Variants in DIS3L2 observed in about 807,000 individuals in gnomAD.
DIS3L2 encodes DIS3-like exonuclease 2.
Under a neutral mutation model 97.5 loss-of-function variants are expected in DIS3L2, and 34 were observed. That is an observed-to-expected ratio of 0.35 (90% CI 0.27 to 0.46). The LOEUF is 0.46. Among genes scored for constraint, DIS3L2 ranks in the 20% least tolerant of loss-of-function variants. The pLI, the probability that DIS3L2 is intolerant of heterozygous loss-of-function variation, is 1.00. For synonymous variants in DIS3L2, 435 were observed against 445.2 expected (o/e 0.98, Z 0.29); for missense variants, 1,038 against 1,146.0 (o/e 0.91, Z 1.36).
intron 1 of DIS3L2, among the ~76,000 whole-genome samples, chr2:232,001,041 A>G (rs1383014262): frequency 1.3e-5 from 2 of 151,960 alleles, no homozygotes; most frequent in African/African-American, 2.4e-5. Flanking sequence ...TTTTTGATGT[A>G]CTGATTTCAT....
chr2:232,273,550 T>TG (rs1694060086), intron 13 of DIS3L2, among the ~76,000 whole-genome samples: 1 of 152,236 alleles, frequency 6.6e-6, no homozygotes, highest in Non-Finnish European at 1.5e-5. Context: ...GATTATTTGC[T>TG]GGGGCATCCA....
At chr2:232,197,759 G>C (rs1271648519) in intron 9 of DIS3L2, among the ~76,000 whole-genome samples, 1 of 152,100 alleles carries the variant, frequency 6.6e-6, no homozygotes, top group Non-Finnish European at 1.5e-5. Context: ...ATGAGGTCAT[G>C]AGATTGAGAC....
In DIS3L2 at chr2:232,334,279, G is replaced by A. The variant is rs540975352; in HGVS notation, c.2159-90G>A. 39 of 1,467,822 alleles carry A rather than the reference G, an allele frequency of 2.7e-5. No homozygotes were observed. In the East Asian group the frequency reaches 4.9e-4, roughly 18 times the overall value. 90.9% of individuals were successfully genotyped at this position (1,467,822 alleles called of 1,614,324 possible). On this transcript the variant is annotated intron_variant, in intron 17 of 20. Coordinates refer to ENST00000325385, the MANE Select transcript of DIS3L2 (RefSeq NM_152383.5). ...GTGCTTGGGGTCCTAATCTGTCGGCGGGGGTGCAGCGCCATGCAGCCCATC... is the reference window on the plus strand; with the variant it reads ...GTGCTTGGGGTCCTAATCTGTCGGCAGGGGTGCAGCGCCATGCAGCCCATC...
chr2:232,156,473 T>C (rs1690498084), intron 8 of DIS3L2, among the ~76,000 whole-genome samples: 1 of 151,974 alleles, frequency 6.6e-6, no homozygotes, highest in South Asian at 2.1e-4. Context: ...TTCTTGCTCC[T>C]TTTTTTCCTT....
At chr2:232,155,051 C>G (rs1037203322) in intron 8 of DIS3L2, among the ~76,000 whole-genome samples, 26 of 150,530 alleles carry the variant, frequency 1.7e-4, no homozygotes, top group African/African-American at 5.4e-4. Context: ...ATGCCTCGCC[C>G]TGCTTCGGCT....
intron 1 of DIS3L2, among the ~76,000 whole-genome samples, chr2:231,969,847 G>T (rs1334996415): frequency 6.6e-6 from 1 of 151,796 alleles, no homozygotes; most frequent in African/African-American, 2.4e-5. Flanking sequence ...TATCACTGGA[G>T]AAGTTTTCTT....
chr2:231,998,016 C>T (rs960149654), intron 1 of DIS3L2, among the ~76,000 whole-genome samples: 1 of 152,128 alleles, frequency 6.6e-6, no homozygotes, highest in African/African-American at 2.4e-5. Flanking sequence ...TAATTTGGAA[C>T]AGTTTTTCCT....
intron 14 of DIS3L2, 28 bp from the exon 15 acceptor site, chr2:232,329,785 T>TCCCGGGGGGGGGCCCCC: frequency 5.7e-5 from 55 of 967,090 alleles, no homozygotes; most frequent in Non-Finnish European, 5.8e-5. Flanking sequence ...ACCCCAGCGG[T>TCCCGGGGGGGGGCCCCC]CCCTCCCATC....
At chr2:232,148,158 T>G (rs541058862) in intron 8 of DIS3L2, among the ~76,000 whole-genome samples, 4 of 151,232 alleles carry the variant, frequency 2.6e-5, no homozygotes, top group African/African-American at 7.3e-5. Flanking sequence ...CAAGCGATTC[T>G]CCTGCCTCAA....
At chr2:232,123,477 T>G (rs1054236581) in intron 6 of DIS3L2, among the ~76,000 whole-genome samples, 1 of 152,204 alleles carries the variant, frequency 6.6e-6, no homozygotes, top group African/African-American at 2.4e-5. Flanking sequence ...ACCATCTCCT[T>G]GCTTGTGCTT....
In DIS3L2 at chr2:232,333,842, G is replaced by A. The variant is rs528954242; in HGVS notation, c.2013G>A (p.Met671Ile). 5 of 1,610,186 alleles carry A rather than the reference G, an allele frequency of 3.1e-6. No individual in the cohort carries two copies. Among genetic ancestry groups the A allele is most frequent in the Non-Finnish European group, 4.2e-6 (5 of 1,178,680 alleles). Residue 671 changes from methionine to isoleucine, a missense_variant and splice_region_variant, in exon 17 of 21, where the codon ATG becomes ATA. Transcript: ENST00000325385. ...LTNMCSRPMQMALYFCSGLLQ... is the reference protein window; with the variant it reads ...LTNMCSRPMQIALYFCSGLLQ... ...CTCTGACCCATCCCGTCCCGCAGAT[G>A]GCACTGTACTTCTGCTCGGGGCTGC...
At chr2:232,191,250 G>A (rs1426160190) in intron 9 of DIS3L2, among the ~76,000 whole-genome samples, 1 of 152,228 alleles carries the variant, frequency 6.6e-6, no homozygotes, top group African/African-American at 2.4e-5. Flanking sequence ...TGAGGAGCCA[G>A]TGGGCGACAT....
intron 8 of DIS3L2, among the ~76,000 whole-genome samples, chr2:232,144,054 A>G (rs1239011487): frequency 6.6e-6 from 1 of 152,128 alleles, no homozygotes; most frequent in East Asian, 1.9e-4. Flanking sequence ...TTTAGTCGAT[A>G]ATATTTCCAT....
intron 9 of DIS3L2, among the ~76,000 whole-genome samples, chr2:232,186,427 A>G (rs934884653): frequency 6.6e-6 from 1 of 152,226 alleles, no homozygotes; most frequent in Non-Finnish European, 1.5e-5. Context: ...GCTCACAGAA[A>G]GGAAATCTTC....
At chr2:232,136,341 A>C in intron 7 of DIS3L2, 131 bp from the exon 8 acceptor site, 1 of 1,108,286 alleles carries the variant, frequency 9.0e-7, no homozygotes. Context: ...ATCATCACTG[A>C]GAGGCACTTA....
intron 1 of DIS3L2, among the ~76,000 whole-genome samples, chr2:231,985,989 G>C (rs1346169694): frequency 6.6e-6 from 1 of 152,184 alleles, no homozygotes; most frequent in South Asian, 2.1e-4. Context: ...GGGTAAGCTG[G>C]CTTGCTGAGT....
intron 9 of DIS3L2, among the ~76,000 whole-genome samples, chr2:232,190,563 A>G (rs1691588274): frequency 6.6e-6 from 1 of 151,956 alleles, no homozygotes; most frequent in African/African-American, 2.4e-5. Context: ...AGGAGATGAG[A>G]TGAGAGAGAG....
chr2:232,327,229 G>A (rs1695603319), intron 14 of DIS3L2, among the ~76,000 whole-genome samples: 1 of 152,236 alleles, frequency 6.6e-6, no homozygotes, highest in Non-Finnish European at 1.5e-5. Flanking sequence ...CCGCCTGGTG[G>A]CCTCCTTAGC....
At chr2:232,174,287 T>TA in intron 9 of DIS3L2, among the ~76,000 whole-genome samples, 1 of 152,158 alleles carries the variant, frequency 6.6e-6, no homozygotes, top group African/African-American at 2.4e-5. Flanking sequence ...CCTGCAACCT[T>TA]ACAAAAATCA....
Sources: allele counts gnomAD v4.1 joint callset (sites outside exome capture counted in the v4.1 genomes callset), GRCh38; gene constraint gnomAD v4.1.1; transcripts MANE v1.5; gene names NCBI Gene and HGNC (gene_info 2026-07-23, HGNC 2026-07-21).